The following TKT variants were observed in gnomAD, a reference collection of about 807,000 sequenced individuals.
The protein encoded by TKT is transketolase, also known as epididymis luminal protein 107.
TKT carries 47 observed loss-of-function variants against 63.9 expected under a neutral mutation model. The observed-to-expected ratio is 0.74, with a 90% CI of 0.58 to 0.94. The LOEUF is 0.94. Among genes scored for constraint, TKT ranks in the 40% least tolerant of loss-of-function variants. The probability of loss-of-function intolerance (pLI) is 0.00; values close to 1 mark genes in which losing one functional copy is unlikely to be tolerated. For synonymous variants in TKT, 338 were observed against 334.1 expected, an observed-to-expected ratio of 1.01 and a Z score of -0.13; for missense variants, 721 against 846.2, an observed-to-expected ratio of 0.85 and a Z score of 1.84.
chr3:53,227,558 A>G (rs1270823980), intron 12 of TKT: 1 of 160,010 alleles, frequency 6.2e-6, no homozygotes, highest in Non-Finnish European at 1.4e-5. Context: ...CTATTGCAGG[A>G]GAGGCCAATG....
chr3:53,249,053 G>A (rs1553681316), intron 1 of TKT, among the ~76,000 whole-genome samples: 1 of 151,888 alleles, frequency 6.6e-6, no homozygotes, highest in African/African-American at 2.4e-5. Context: ...TGCAACCTCC[G>A]CCTCCCGGGT....
intron 4 of TKT, among the ~76,000 whole-genome samples, chr3:53,238,075 C>G (rs782486240): frequency 6.6e-6 from 1 of 152,182 alleles, no homozygotes; most frequent in Non-Finnish European, 1.5e-5. Flanking sequence ...ACATGATAAT[C>G]CCTGGATGCC....
chr3:53,230,773 G>T (rs545656605), intron 7 of TKT, 152 bp from the exon 8 acceptor site: 1 of 938,276 alleles, frequency 1.1e-6, no homozygotes. Flanking sequence ...ACTGCTGAAA[G>T]GTTGCCAACG....
intron 4 of TKT, chr3:53,237,994 G>A (rs1553679079): frequency 6.6e-6 from 1 of 152,222 alleles, no homozygotes; most frequent in Admixed American, 6.5e-5. Flanking sequence ...TTTTAAACAG[G>A]AGGGCAGGGA....
chr3:53,241,285 G>T, intron 2 of TKT, 40 bp from the exon 3 acceptor site: 1 of 1,561,606 alleles, frequency 6.4e-7, no homozygotes. Context: ...CAGGTGGGGA[G>T]CGGTTCTACT....
At chr3:53,242,481 G>A (rs963221998) in intron 1 of TKT, among the ~76,000 whole-genome samples, 3 of 152,106 alleles carry the variant, frequency 2.0e-5, no homozygotes, top group African/African-American at 7.2e-5. Flanking sequence ...ACCTTTCCAG[G>A]GGCATCAGAT....
At chr3:53,229,485 G>A (rs782224092) in intron 8 of TKT, 49 bp from the exon 9 acceptor site, 2 of 1,562,034 alleles carry the variant, frequency 1.3e-6, no homozygotes, top group Non-Finnish European at 1.7e-6. Flanking sequence ...GCAGAGGGTG[G>A]TCGGGGAGCC....
chr3:53,227,831 T>G, intron 12 of TKT: 7 of 479,790 alleles, frequency 1.5e-5, no homozygotes, highest in East Asian at 7.9e-5. Flanking sequence ...TTTAGAGTCA[T>G]AGGGTAGGGA....
At chr3:53,234,737 C>T (rs528262069) in intron 5 of TKT, 5 of 402,182 alleles carry the variant, frequency 1.2e-5, no homozygotes, top group South Asian at 5.0e-5. Flanking sequence ...GTGGAAGCTC[C>T]GAGAGCCACC....
At chr3:53,234,684 C>A in intron 5 of TKT, 1 of 273,490 alleles carries the variant, frequency 3.7e-6, no homozygotes, top group Non-Finnish European at 6.9e-6. Flanking sequence ...CCCTCAAGAA[C>A]CCTCCTTCCT....
intron 1 of TKT, among the ~76,000 whole-genome samples, chr3:53,250,258 C>T (rs190681790): frequency 2.6e-4 from 39 of 152,310 alleles, no homozygotes; most frequent in Admixed American, 3.9e-4. Flanking sequence ...CCCAGAGAGG[C>T]GGAGCCACAT....
chr3:53,244,840 C>A (rs1308578890), intron 1 of TKT, among the ~76,000 whole-genome samples: 2 of 150,092 alleles, frequency 1.3e-5, no homozygotes, highest in Non-Finnish European at 3.0e-5. Context: ...TTACTGTATA[C>A]CCTGACTCTG....
chr3:53,232,034 A>G, intron 6 of TKT: 1 of 294,888 alleles, frequency 3.4e-6, no homozygotes, highest in Non-Finnish European at 6.3e-6. Flanking sequence ...ATCTGTGAGC[A>G]GCAGAGGAGT....
At position 53,229,184 on chromosome 3, in the gene TKT, C is replaced by G. The variant is rs3736155; in HGVS notation, c.1265-47G>C. The G allele has an allele frequency of 0.21, 346,501 of 1,613,188 alleles. 41,871 individuals are homozygous for G. Among genetic ancestry groups the G allele is most frequent in the East Asian group, 0.52 (23,275 of 44,822 alleles). On this transcript the variant is annotated intron_variant, in intron 9 of 13. Coordinates refer to ENST00000462138, the MANE Select transcript of TKT (RefSeq NM_001064.4). The stretch of plus-strand genomic sequence containing the variant: ...ATGCAGAAATAAGACCCCTACCCCC[C>G]CATCCATGGGCTGGAATCCTGGCCC...
intron 1 of TKT, among the ~76,000 whole-genome samples, chr3:53,244,977 A>C (rs1240009755): frequency 6.6e-6 from 1 of 151,896 alleles, no homozygotes; most frequent in Admixed American, 6.6e-5. Flanking sequence ...GTGGTGTGGC[A>C]AGCTTAGAGC....
At chr3:53,233,485 T>G in intron 5 of TKT, 1 of 493,750 alleles carries the variant, frequency 2.0e-6, no homozygotes, top group Non-Finnish European at 3.6e-6. Flanking sequence ...TTTACTTCCT[T>G]TTGTTTGCCT....
chr3:53,249,160 AGGGTTTCACCATGTT>A (rs1158799553), intron 1 of TKT, among the ~76,000 whole-genome samples: 4 of 63,578 alleles, frequency 6.3e-5, no homozygotes, highest in Non-Finnish European at 1.2e-4. Flanking sequence ...TAGTAGAGAC[AGGGTTTCACCATGTT>A]GGCTGGGCTG....
At chr3:53,227,811 G>T (rs79446544) in intron 12 of TKT, 71,843 of 431,950 alleles carry the variant, frequency 0.17, 6,700 homozygotes, top group South Asian at 0.2. Flanking sequence ...CATGCTGGGG[G>T]GGTCTCGACT....
chr3:53,229,183 C>CT, intron 9 of TKT, 46 bp from the exon 10 acceptor site: 2 of 1,613,682 alleles, frequency 1.2e-6, no homozygotes, highest in South Asian at 2.2e-5. Flanking sequence ...CCCCTACCCC[C>CT]CCATCCATGG....
Sources: allele counts gnomAD v4.1 joint callset (sites outside exome capture counted in the v4.1 genomes callset), GRCh38; gene constraint gnomAD v4.1.1; transcripts MANE v1.5; gene names NCBI Gene and HGNC (gene_info 2026-07-23, HGNC 2026-07-21).